Variants in MGAM2 observed in about 807,000 individuals in gnomAD.
The protein encoded by MGAM2 is probable maltase-glucoamylase 2.
MGAM2 carries 98 observed loss-of-function variants against 96.1 expected under a neutral mutation model. The observed-to-expected ratio is 1.02, with a 90% CI of 0.87 to 1.21. MGAM2 has a LOEUF of 1.21. MGAM2 is among the 50% of genes most tolerant of loss of function. The pLI is 0.00. For missense variants in MGAM2, 2,055 were observed against 1,182.4 expected (o/e 1.74, Z -10.82); for synonymous variants, 749 against 414.8 (o/e 1.81, Z -9.79).
chr7:142,168,561 C>T (rs751523238), intron 26 of MGAM2, among the ~76,000 whole-genome samples: 12 of 152,166 alleles, frequency 7.9e-5, no homozygotes, highest in Non-Finnish European at 1.5e-4. Flanking sequence ...TGAGCCACCA[C>T]GCCCGGCCTC....
At chr7:142,208,171 A>G (rs1311328360) in intron 45 of MGAM2, 1 of 461,370 alleles carries the variant, frequency 2.2e-6, no homozygotes, top group Non-Finnish European at 4.3e-6. Flanking sequence ...TGTCTACCTG[A>G]CTTGGGAGCC....
In MGAM2 at chr7:142,134,006, C is replaced by T. The variant is rs1794982032; in HGVS notation, c.601C>T (p.Gln201Ter). 2 of 722,452 alleles carry T rather than the reference C, an allele frequency of 2.8e-6. No individual in the cohort carries two copies. Among genetic ancestry groups the T allele is most frequent in the African/African-American group, 1.7e-5 (1 of 58,190 alleles). 44.8% of individuals were successfully genotyped at this position (722,452 alleles called of 1,614,324 possible). ...GTTGGACACGAGCATCGGGCCCCTC[C>T]AGTTTGCCCAGCAGTACCTGCAACT... Reference protein sequence around the residue: ...VLLDTSIGPLQFAQQYLQLSF... With the variant: ...VLLDTSIGPL The change falls in exon 7 of 48, where the codon CAG becomes TAG. Residue 201 changes from glutamine to a stop codon, truncating the protein, a stop_gained. Transcript: ENST00000477922. LOFTEE classifies it high-confidence loss of function.
chr7:142,154,937 G>A, intron 17 of MGAM2, 92 bp downstream of exon 17: 2 of 666,994 alleles, frequency 3.0e-6, no homozygotes, highest in Non-Finnish European at 5.5e-6. Context: ...ACTACAGGTT[G>A]GCACTAACTG....
Position 142,148,754 on chromosome 7 carries a change from T to C in MGAM2, c.1634+1181T>C, listed in dbSNP as rs183308163. On this transcript the variant is annotated intron_variant, in intron 15 of 47. Coordinates refer to ENST00000477922, the MANE Select transcript of MGAM2 (RefSeq NM_001293626.2). The surrounding 1 kb of genome is among the most constrained non-coding windows in gnomAD (Gnocchi z 4.2). Reference sequence around the variant, plus strand: ...GGCTTAGGAAAGAGCATCTTTGTCTTTCTCGGCTTCTTTCCCCCTGTTTTG... The same window carrying C: ...GGCTTAGGAAAGAGCATCTTTGTCTCTCTCGGCTTCTTTCCCCCTGTTTTG... Among the ~76,000 whole-genome samples, 388 of 152,290 alleles carry C rather than the reference T, an allele frequency of 2.5e-3. 10 individuals are homozygous for C. The South Asian group carries it at 0.058, about 23-fold the overall frequency.
intron 10 of MGAM2, among the ~76,000 whole-genome samples, chr7:142,140,225 A>AAC (rs1250633915): frequency 6.6e-6 from 1 of 152,154 alleles, no homozygotes; most frequent in African/African-American, 2.4e-5. Flanking sequence ...AATGTCACTG[A>AAC]ACTCCCCTAC....
At chr7:142,135,434 C>G (rs575131063) in intron 7 of MGAM2, among the ~76,000 whole-genome samples, 1 of 151,990 alleles carries the variant, frequency 6.6e-6, no homozygotes, top group Non-Finnish European at 1.5e-5. Context: ...TGCCTTTCTC[C>G]CCTGTTTTTT....
At chr7:142,162,588 CTCTT>C (rs1795922177) in intron 23 of MGAM2, among the ~76,000 whole-genome samples, 2 of 151,848 alleles carry the variant, frequency 1.3e-5, no homozygotes, top group South Asian at 2.1e-4. Flanking sequence ...CGGTCTCTCT[CTCTT>C]TCTTTTTTCT....
intron 45 of MGAM2, among the ~76,000 whole-genome samples, chr7:142,200,578 G>A (rs1322388916): frequency 1.3e-5 from 2 of 152,048 alleles, no homozygotes; most frequent in African/African-American, 2.4e-5. Flanking sequence ...ATAGATATAT[G>A]GACACACTGT....
chr7:142,196,855 C>A, intron 40 of MGAM2, 39 bp downstream of exon 40: 1 of 742,966 alleles, frequency 1.3e-6, no homozygotes, highest in South Asian at 1.4e-5. Flanking sequence ...TGTGTACCCT[C>A]AAATCATAAC....
intron 45 of MGAM2, among the ~76,000 whole-genome samples, chr7:142,206,331 T>G (rs1020535542): frequency 2.0e-5 from 3 of 152,172 alleles, no homozygotes; most frequent in Non-Finnish European, 2.9e-5. Context: ...TGGTGGTGGC[T>G]GGGCTGGTTA....
chr7:142,129,020 G>C (rs1461692035), intron 3 of MGAM2, among the ~76,000 whole-genome samples: 1 of 152,202 alleles, frequency 6.6e-6, no homozygotes, highest in Non-Finnish European at 1.5e-5. Context: ...CCAAGAGGGG[G>C]GCTGTACATG....
In MGAM2 at chr7:142,154,267, C is replaced by G. The variant is rs113117859; in HGVS notation, c.1806+78C>G. ...TTTAATTAGCAGTCTTAGAGATTAT[C>G]TGAAAAACCAAGGATCATGTTCCAA... On this transcript the variant is annotated intron_variant, in intron 16 of 47. Coordinates refer to ENST00000477922, the MANE Select transcript of MGAM2 (RefSeq NM_001293626.2). The G allele has an allele frequency of 1.7e-3, 886 of 506,466 alleles. 11 individuals carry two copies. The highest frequency in any genetic ancestry group is 0.015 in the African/African-American group (788 of 53,230). The allele number at this position is 506,466 out of a possible 1,614,324, so 31.4% of individuals were successfully genotyped here. A position where few individuals can be genotyped will look rare whatever the true frequency, so the allele number is the denominator to read the frequency against.
intron 32 of MGAM2, among the ~76,000 whole-genome samples, chr7:142,179,734 C>T (rs976557420): frequency 1.3e-5 from 2 of 152,120 alleles, no homozygotes; most frequent in African/African-American, 4.8e-5. Flanking sequence ...GGTCAGTTAA[C>T]TTTTTGATGT....
In MGAM2 at chr7:142,133,336, A is replaced by C. The variant is rs1290921388; in HGVS notation, c.576-645A>C. Among the ~76,000 whole-genome samples, 4 of 148,492 alleles carry C rather than the reference A, an allele frequency of 2.7e-5. No individual in the cohort carries two copies. The South Asian group carries it at 6.3e-4, about 23-fold the overall frequency. On this transcript the variant is annotated intron_variant, in intron 6 of 47. Coordinates refer to ENST00000477922, the MANE Select transcript of MGAM2 (RefSeq NM_001293626.2). ...GTTTATTTGTATAATATATTTATAC[A>C]CAGAAATATACTTGTGGTTTACATA...
At position 142,132,025 on chromosome 7, in the gene MGAM2, T is replaced by C. The variant is rs1353925995; in HGVS notation, c.515T>C (p.Val172Ala). 2 of 703,052 alleles carry C rather than the reference T, an allele frequency of 2.8e-6. No homozygotes were observed. The highest frequency in any genetic ancestry group is 5.2e-6 in the Non-Finnish European group (2 of 385,052). 43.6% of individuals were successfully genotyped at this position (703,052 alleles called of 1,614,324 possible). ...IADASNLSYY[V>A]EVTDKPFSIK... ...GATGCCTCCAATTTGAGCTATTACGTGGAGGTTACTGATAAACCTTTCAGC... is the reference window on the plus strand; with the variant it reads ...GATGCCTCCAATTTGAGCTATTACGCGGAGGTTACTGATAAACCTTTCAGC... The change falls in exon 6 of 48, where the codon GTG (valine) becomes GCG (alanine). Residue 172 changes from valine (V) to alanine (A), a missense_variant. Coordinates refer to ENST00000477922, the MANE Select transcript of MGAM2 (RefSeq NM_001293626.2).
At chr7:142,161,031 C>G in intron 21 of MGAM2, 94 bp from the exon 22 acceptor site, 1 of 643,564 alleles carries the variant, frequency 1.6e-6, no homozygotes, top group Non-Finnish European at 2.8e-6. Context: ...GGTATAGACT[C>G]TTGGATTATC....
intron 17 of MGAM2, among the ~76,000 whole-genome samples, chr7:142,156,221 T>G (rs909465000): frequency 1.3e-5 from 2 of 152,100 alleles, no homozygotes; most frequent in Non-Finnish European, 2.9e-5. Context: ...TAGCTCAATG[T>G]GTATCTATAT....
chr7:142,215,602 A>G (rs1327628926), intron 46 of MGAM2, among the ~76,000 whole-genome samples: 1 of 152,060 alleles, frequency 6.6e-6, no homozygotes, highest in African/African-American at 2.4e-5. Flanking sequence ...TCTCTACTCA[A>G]AATCCAAAAA....
chr7:142,189,161 C>T (rs1028834929), intron 36 of MGAM2, among the ~76,000 whole-genome samples: 3 of 152,134 alleles, frequency 2.0e-5, no homozygotes, highest in African/African-American at 7.2e-5. Context: ...AGGGGAGCTG[C>T]TTTTCCCAGC....
Sources: allele counts gnomAD v4.1 joint callset (sites outside exome capture counted in the v4.1 genomes callset), GRCh38; gene constraint gnomAD v4.1.1; non-coding constraint Gnocchi (gnomAD v3.1); transcripts MANE v1.5; gene names NCBI Gene and HGNC (gene_info 2026-07-23, HGNC 2026-07-21).